Variants in DOCK1 observed in about 807,000 individuals in gnomAD.
The protein encoded by DOCK1 is dedicator of cytokinesis 1.
In DOCK1, 138 loss-of-function variants were observed where a neutral mutation model predicts 262.7. The observed-to-expected ratio is 0.53, with a 90% CI of 0.46 to 0.61. The LOEUF is 0.61. Among genes scored for constraint, DOCK1 ranks in the 20% least tolerant of loss-of-function variants. The pLI is 0.00. For synonymous variants in DOCK1, 866 were observed against 867.4 expected (o/e 1.00, Z 0.03); for missense variants, 1,908 against 2,370.7 (o/e 0.80, Z 4.05).
intron 27 of DOCK1, among the ~76,000 whole-genome samples, chr10:127,238,690 A>T (rs2059158600): frequency 6.6e-6 from 1 of 152,080 alleles, no homozygotes; most frequent in Admixed American, 6.5e-5. Flanking sequence ...GAGCCTCCCC[A>T]CACCACCTCC....
chr10:127,287,077 T>G (rs868261423), intron 29 of DOCK1, among the ~76,000 whole-genome samples: 6 of 152,006 alleles, frequency 3.9e-5, no homozygotes, highest in Admixed American at 3.9e-4. Context: ...CCAGCTAATT[T>G]TTTGTATTTT....
intron 29 of DOCK1, among the ~76,000 whole-genome samples, chr10:127,290,648 G>A (rs1018164716): frequency 4.6e-5 from 7 of 152,070 alleles, no homozygotes; most frequent in South Asian, 4.1e-4. Flanking sequence ...CTTTTTCACC[G>A]TATGAATGTT....
intron 1 of DOCK1, among the ~76,000 whole-genome samples, chr10:126,917,940 A>G (rs1484338787): frequency 6.6e-6 from 1 of 152,166 alleles, no homozygotes; most frequent in Admixed American, 6.5e-5. Flanking sequence ...GGGGTGATGG[A>G]ACTCTGGGTA....
intron 10 of DOCK1, among the ~76,000 whole-genome samples, chr10:127,003,061 TGTGAACCTGC>T (rs1321503147): frequency 1.3e-5 from 2 of 152,144 alleles, no homozygotes; most frequent in African/African-American, 4.8e-5. Context: ...TATAAACCTG[TGTGAACCTGC>T]GTGAACCTTT....
intron 27 of DOCK1, 46 bp downstream of exon 27, chr10:127,127,810 A>T: frequency 6.5e-7 from 1 of 1,534,064 alleles, no homozygotes; most frequent in East Asian, 2.3e-5. Flanking sequence ...TGGGGCTGAC[A>T]GCATCCTTCT....
intron 47 of DOCK1, among the ~76,000 whole-genome samples, chr10:127,428,276 C>G (rs946451451): frequency 2.6e-5 from 4 of 152,214 alleles, no homozygotes; most frequent in African/African-American, 9.6e-5. Flanking sequence ...AGAAAGCTGT[C>G]TGGCTCACCA....
intron 27 of DOCK1, among the ~76,000 whole-genome samples, chr10:127,210,239 A>C (rs541153177): frequency 6.6e-6 from 1 of 152,336 alleles, no homozygotes; most frequent in African/African-American, 2.4e-5. Context: ...TGCCATCAGC[A>C]TGCGCTCTGG....
intron 38 of DOCK1, among the ~76,000 whole-genome samples, 156 bp from the exon 39 acceptor site, chr10:127,402,899 C>T (rs982297519): frequency 6.6e-6 from 1 of 152,222 alleles, no homozygotes; most frequent in African/African-American, 2.4e-5. Flanking sequence ...AGACATGAGA[C>T]TCAAGAAAAT....
intron 38 of DOCK1, among the ~76,000 whole-genome samples, chr10:127,400,183 C>CAAAA (rs35762721): frequency 2.1e-5 from 3 of 143,664 alleles, no homozygotes; most frequent in Non-Finnish European, 3.0e-5. Context: ...TTACTCTCAT[C>CAAAA]AAAAAAAAAA....
chr10:127,082,932 CT>C (rs2046991414), intron 23 of DOCK1, among the ~76,000 whole-genome samples: 1 of 152,182 alleles, frequency 6.6e-6, no homozygotes. Flanking sequence ...GAGCAGGGAT[CT>C]TTCTCCTTGG....
chr10:127,176,191 G>A lies in DOCK1; in HGVS notation c.2847+48427G>A. 1 of 1,614,122 alleles carries A rather than the reference G, an allele frequency of 6.2e-7. No homozygotes were observed. Among genetic ancestry groups the A allele is most frequent in the Non-Finnish European group, 8.5e-7 (1 of 1,180,032 alleles). ...GGCTTGGCCTCCCGCTTCTCCCCCA[G>A]CTGGCCCGAGGACAGCTGTGTGTCC... On this transcript the variant is annotated intron_variant, in intron 27 of 51. Coordinates refer to ENST00000623213, the MANE Select transcript of DOCK1 (RefSeq NM_001290223.2). This position sits in a 1 kb window ranked among gnomAD's most constrained non-coding sequence, Gnocchi z 4.4.
chr10:127,092,812 G>A lies in DOCK1; in HGVS notation c.2446-13419G>A, dbSNP rs988447391. 2.0e-5 allele frequency among the ~76,000 whole-genome samples: 3 copies of A among 152,174 alleles called. No individual in the cohort carries two copies. The East Asian group carries it at 5.8e-4, about 29-fold the overall frequency. Reference sequence around the variant, plus strand: ...TTCATTTTTATTACAATTTACAAAGGTATTGGTCAGAAACAGAATGAAAAT... The same window carrying A: ...TTCATTTTTATTACAATTTACAAAGATATTGGTCAGAAACAGAATGAAAAT... On this transcript the variant is annotated intron_variant, in intron 23 of 51. Coordinates refer to ENST00000623213, the MANE Select transcript of DOCK1 (RefSeq NM_001290223.2).
intron 29 of DOCK1, among the ~76,000 whole-genome samples, chr10:127,261,205 A>G (rs1013710097): frequency 0.15 from 4,808 of 32,422 alleles, 322 homozygotes; most frequent in Non-Finnish European, 0.2. Flanking sequence ...GTGTGTGTGT[A>G]CCTGCATGTG....
At chr10:127,078,625 A>G (rs796340816) in intron 23 of DOCK1, among the ~76,000 whole-genome samples, 4 of 152,354 alleles carry the variant, frequency 2.6e-5, no homozygotes, top group African/African-American at 7.2e-5. Flanking sequence ...AAGTCATTAT[A>G]TGAAAAAGAT....
At chr10:126,982,016 A>G (rs182749371) in intron 4 of DOCK1, 43 bp downstream of exon 4, 10 of 1,603,428 alleles carry the variant, frequency 6.2e-6, no homozygotes, top group Middle Eastern at 1.7e-4. Flanking sequence ...TGCAAGTACT[A>G]TATTTGGCCT....
chr10:126,923,817 G>A (rs1022450036), intron 1 of DOCK1, among the ~76,000 whole-genome samples: 2 of 152,154 alleles, frequency 1.3e-5, no homozygotes, highest in African/African-American at 4.8e-5. Context: ...ATTAGGTCAT[G>A]AGGGCTGAGG....
At chr10:127,247,368 T>C (rs975027123) in intron 27 of DOCK1, among the ~76,000 whole-genome samples, 3 of 152,148 alleles carry the variant, frequency 2.0e-5, no homozygotes, top group African/African-American at 7.2e-5. Context: ...GGAGGAGAAT[T>C]GGGCCATAAC....
chr10:127,279,322 A>T (rs989840307), intron 29 of DOCK1, among the ~76,000 whole-genome samples: 1 of 152,242 alleles, frequency 6.6e-6, no homozygotes, highest in East Asian at 1.9e-4. Context: ...CTCAATAGCC[A>T]TAAGAGGGCA....
At chr10:126,976,740 C>T (rs2038571244) in intron 2 of DOCK1, among the ~76,000 whole-genome samples, 1 of 146,290 alleles carries the variant, frequency 6.8e-6, no homozygotes, top group Admixed American at 6.8e-5. Flanking sequence ...TGTCTTTAAG[C>T]TTTTTTTTTT....
Sources: allele counts gnomAD v4.1 joint callset (sites outside exome capture counted in the v4.1 genomes callset), GRCh38; gene constraint gnomAD v4.1.1; non-coding constraint Gnocchi (gnomAD v3.1); transcripts MANE v1.5; gene names NCBI Gene and HGNC (gene_info 2026-07-23, HGNC 2026-07-21).